Variants in ACSL4 observed in about 807,000 individuals in gnomAD.
ACSL4 encodes acyl-CoA synthetase long chain family member 4.
A neutral mutation model predicts 49.1 loss-of-function variants in ACSL4; 9 were observed. The observed-to-expected ratio is 0.18, with a 90% confidence interval of 0.11 to 0.32. The LOEUF is 0.32. Ranked by LOEUF, ACSL4 falls within the 10% of genes least tolerant of loss-of-function variation. ACSL4 has a pLI of 1.00. For synonymous variants in ACSL4, 191 were observed against 170.3 expected, an observed-to-expected ratio of 1.12 and a Z score of -0.95; for missense variants, 333 against 493.7, an observed-to-expected ratio of 0.67 and a Z score of 3.08.
intron 4 of ACSL4, among the ~76,000 whole-genome samples, chrX:109,682,060 G>A (rs1024078240): frequency 6.3e-5 from 7 of 111,974 alleles, no homozygotes; most frequent in Admixed American, 1.9e-4. Flanking sequence ...GCTGTTCATC[G>A]TTGAAAGTGG....
chrX:109,721,890 T>A (rs1927591801), intron 1 of ACSL4, among the ~76,000 whole-genome samples: 1 of 111,838 alleles, frequency 8.9e-6, no homozygotes, highest in Admixed American at 9.5e-5. Flanking sequence ...ATTAACTAAG[T>A]GAGAAATAGA....
chrX:109,690,480 A>G (rs745576944), intron 2 of ACSL4, among the ~76,000 whole-genome samples: 8 of 112,020 alleles, frequency 7.1e-5, no homozygotes, highest in African/African-American at 2.3e-4. Flanking sequence ...TCCTTCAGAT[A>G]TATTATCTCA....
intron 1 of ACSL4, among the ~76,000 whole-genome samples, chrX:109,721,016 G>A (rs889782554): frequency 8.9e-6 from 1 of 112,129 alleles, no homozygotes; most frequent in Non-Finnish European, 1.9e-5. Context: ...TTTCTGCCGA[G>A]TTCTACCCTT....
intron 9 of ACSL4, among the ~76,000 whole-genome samples, chrX:109,670,266 A>T (rs923484585): frequency 9.0e-6 from 1 of 111,306 alleles, no homozygotes; most frequent in Non-Finnish European, 1.9e-5. Flanking sequence ...CCACTCACAA[A>T]TGAAGACAGC....
intron 1 of ACSL4, among the ~76,000 whole-genome samples, chrX:109,712,800 C>T (rs1926843384): frequency 9.0e-6 from 1 of 110,846 alleles, no homozygotes; most frequent in Non-Finnish European, 1.9e-5. Context: ...CATGGGGAAA[C>T]CTTGTCTGTA....
chrX:109,711,365 G>C (rs1926736921), intron 1 of ACSL4, among the ~76,000 whole-genome samples: 1 of 112,121 alleles, frequency 8.9e-6, no homozygotes, highest in Non-Finnish European at 1.9e-5. Context: ...AATCCAGTAT[G>C]GTAGTTAGGA....
At position 109,659,447 on chromosome X, in the gene ACSL4, G is replaced by A; in HGVS notation, c.1762C>T (p.Gln588Ter). 1 of 1,206,109 alleles carries A rather than the reference G, an allele frequency of 8.3e-7. No individual in the cohort carries two copies. Reference protein sequence around the residue: ...NQKRLTLLAQQKGVEGTWVDI... With the variant: ...NQKRLTLLAQ ...ACCCAAGTTCCTTCTACCCCTTTCT[G>A]TTGTGCCAAAAGTGTCAACCTTTTC... The change falls in exon 15 of 16, where the codon CAG becomes TAG. Residue 588 changes from glutamine (Q) to a stop codon, truncating the protein, a stop_gained. Transcript: ENST00000672401. LOFTEE classifies it high-confidence loss of function.
Position 109,697,796 on chromosome X carries a change from T to G in ACSL4, c.-65-1600A>C, listed in dbSNP as rs1925565067. 3.7e-5 allele frequency among the ~76,000 whole-genome samples: 4 copies of G among 107,550 alleles called. No homozygotes were observed. In the South Asian group the frequency reaches 1.7e-3, roughly 45 times the overall value. The allele number at this position is 107,550 out of a possible 115,157, so 93.4% of individuals were successfully genotyped here. A position where few individuals can be genotyped will look rare whatever the true frequency, so the allele number is the denominator to read the frequency against. Reference sequence around the variant, plus strand: ...AGGAGAATGCTGGAGAAGAAAATCTTCATATTTCTATATAAAAACGTACAC... The same window carrying G: ...AGGAGAATGCTGGAGAAGAAAATCTGCATATTTCTATATAAAAACGTACAC... On this transcript the variant is annotated intron_variant, in intron 1 of 15. Coordinates refer to ENST00000672401, the MANE Select transcript of ACSL4 (RefSeq NM_001318510.2).
At chrX:109,719,460 C>T (rs1354014996) in intron 1 of ACSL4, among the ~76,000 whole-genome samples, 1 of 111,976 alleles carries the variant, frequency 8.9e-6, no homozygotes, top group East Asian at 2.8e-4. Context: ...GTACTCCTCG[C>T]GCTGAAAATC....
chrX:109,725,577 A>C (rs1379066216), intron 1 of ACSL4, among the ~76,000 whole-genome samples: 1 of 110,196 alleles, frequency 9.1e-6, no homozygotes, highest in East Asian at 2.8e-4. Context: ...CCTGGCTAAC[A>C]CGGTGAAACC....
At chrX:109,686,776 GCACACACA>G (rs35736807) in intron 2 of ACSL4, among the ~76,000 whole-genome samples, 1 of 98,912 alleles carries the variant, frequency 1.0e-5, no homozygotes, top group African/African-American at 3.7e-5. Context: ...ACACACGCAT[GCACACACA>G]CACACACACA....
intron 2 of ACSL4, among the ~76,000 whole-genome samples, chrX:109,691,212 T>C (rs1218828774): frequency 8.9e-6 from 1 of 112,383 alleles, no homozygotes; most frequent in Non-Finnish European, 1.9e-5. Context: ...TTTAAATCAA[T>C]TTGAAAATCA....
chrX:109,649,615 G>T (rs771109244), intron 15 of ACSL4, among the ~76,000 whole-genome samples: 1 of 111,299 alleles, frequency 9.0e-6, no homozygotes, highest in Non-Finnish European at 1.9e-5. Context: ...CATAGGCATG[G>T]GCAAGGACTT....
chrX:109,731,050 A>G (rs1405809593), intron 1 of ACSL4, among the ~76,000 whole-genome samples: 2 of 111,880 alleles, frequency 1.8e-5, no homozygotes, highest in African/African-American at 6.5e-5. Context: ...AGAAATTAAC[A>G]TAATACCCAA....
chrX:109,658,116 T>C (rs1319823401), intron 15 of ACSL4, among the ~76,000 whole-genome samples: 1 of 111,644 alleles, frequency 9.0e-6, no homozygotes, highest in Non-Finnish European at 1.9e-5. Flanking sequence ...CATCATCTTC[T>C]TGTATATGCC....
chrX:109,644,222 G>C (rs376165575), intron 15 of ACSL4, 36 bp from the exon 16 acceptor site: 8 of 1,159,264 alleles, frequency 6.9e-6, no homozygotes, highest in African/African-American at 3.7e-5. Flanking sequence ...GAAAAGGAGA[G>C]GGGGGGAAAG....
chrX:109,671,317 G>A (rs1392385355), intron 9 of ACSL4, among the ~76,000 whole-genome samples: 16 of 109,421 alleles, frequency 1.5e-4, no homozygotes, highest in Admixed American at 2.9e-4. Flanking sequence ...CCCCGCCGCC[G>A]CCCCGTCTGG....
intron 15 of ACSL4, among the ~76,000 whole-genome samples, chrX:109,648,243 A>G (rs1934826537): frequency 9.0e-6 from 1 of 111,420 alleles, no homozygotes; most frequent in South Asian, 3.8e-4. Flanking sequence ...TTAGACCAAT[A>G]TCCTTGATGA....
chrX:109,659,718 T>A (rs1436929806), intron 14 of ACSL4, among the ~76,000 whole-genome samples: 1 of 111,128 alleles, frequency 9.0e-6, no homozygotes, highest in East Asian at 2.8e-4. Context: ...TAAACCCTTG[T>A]ATCTATGGAG....
Sources: allele counts gnomAD v4.1 joint callset (sites outside exome capture counted in the v4.1 genomes callset), GRCh38; gene constraint gnomAD v4.1.1; transcripts MANE v1.5; gene names NCBI Gene and HGNC (gene_info 2026-07-23, HGNC 2026-07-21).